ERBB4: variants seen among roughly 807,000 people sequenced by gnomAD.
ERBB4 encodes erb-b2 receptor tyrosine kinase 4, also known as receptor tyrosine-protein kinase erbB-4.
In ERBB4, 42 loss-of-function variants were observed where a neutral mutation model predicts 158.0. The ratio of observed to expected loss-of-function variants is 0.27; its 90% CI spans 0.21 to 0.34. ERBB4 has a LOEUF of 0.34. Among genes scored for constraint, ERBB4 ranks in the 10% least tolerant of loss-of-function variants. ERBB4 has a pLI of 1.00. For synonymous variants in ERBB4, 583 were observed against 558.7 expected, an observed-to-expected ratio of 1.04 and a Z score of -0.61; for missense variants, 1,333 against 1,624.1, an observed-to-expected ratio of 0.82 and a Z score of 3.08.
chr2:212,483,432 C>T (rs1170843159), intron 1 of ERBB4, among the ~76,000 whole-genome samples: 1 of 152,080 alleles, frequency 6.6e-6, no homozygotes, highest in African/African-American at 2.4e-5. Context: ...TAATGTTAGA[C>T]TTTTTTGACA....
chr2:211,942,683 C>T (rs1324509857), intron 3 of ERBB4, among the ~76,000 whole-genome samples: 1 of 151,966 alleles, frequency 6.6e-6, no homozygotes, highest in African/African-American at 2.4e-5. Flanking sequence ...ACACAGTTAA[C>T]AAAACAATTA....
chr2:211,830,941 T>G lies in ERBB4; in HGVS notation c.422-42782A>C, dbSNP rs17414021. 8.0e-3 allele frequency among the ~76,000 whole-genome samples: 1,217 copies of G among 152,178 alleles called. 3 individuals are homozygous for G. Among genetic ancestry groups the G allele is most frequent in the Middle Eastern group, 0.041 (12 of 294 alleles). ...AGAATCTAATACTGATGGTCATATATTCTATAAAACTTAACATATACCAGG... is the reference window on the plus strand; with the variant it reads ...AGAATCTAATACTGATGGTCATATAGTCTATAAAACTTAACATATACCAGG... On this transcript the variant is annotated intron_variant, in intron 3 of 27. Coordinates refer to ENST00000342788, the MANE Select transcript of ERBB4 (RefSeq NM_005235.3).
intron 19 of ERBB4, among the ~76,000 whole-genome samples, chr2:211,597,754 T>C (rs1265647771): frequency 6.6e-6 from 1 of 152,170 alleles, no homozygotes; most frequent in Non-Finnish European, 1.5e-5. Context: ...TATTTCAATT[T>C]TTATTTTTTA....
chr2:211,590,190 C>G (rs935408124), intron 19 of ERBB4, among the ~76,000 whole-genome samples: 1 of 152,180 alleles, frequency 6.6e-6, no homozygotes, highest in Non-Finnish European at 1.5e-5. Context: ...CCAACTTAAA[C>G]GACTCCATCG....
chr2:212,427,171 T>C (rs1032766237), intron 1 of ERBB4, among the ~76,000 whole-genome samples: 1 of 152,136 alleles, frequency 6.6e-6, no homozygotes, highest in Non-Finnish European at 1.5e-5. Flanking sequence ...CTGTTATTTA[T>C]GATACAAGTC....
chr2:211,832,584 A>G lies in ERBB4; in HGVS notation c.422-44425T>C, dbSNP rs184614793. Among the ~76,000 whole-genome samples the G allele has an allele frequency of 2.0e-5, 3 of 151,156 alleles. No individual in the cohort carries two copies. The East Asian group carries it at 5.8e-4, about 29-fold the overall frequency. On this transcript the variant is annotated intron_variant, in intron 3 of 27. Transcript: ENST00000342788. ...AATATATGTATGTGTGTGTGTATATATATATACACATAAACGTGTGTGTGT... is the reference window on the plus strand; with the variant it reads ...AATATATGTATGTGTGTGTGTATATGTATATACACATAAACGTGTGTGTGT...
chr2:211,700,718 C>A (rs1407156799), intron 12 of ERBB4, among the ~76,000 whole-genome samples: 1 of 152,114 alleles, frequency 6.6e-6, no homozygotes, highest in Non-Finnish European at 1.5e-5. Context: ...CACACACACG[C>A]ACACACTCAC....
chr2:212,444,849 T>C (rs918148054), intron 1 of ERBB4, among the ~76,000 whole-genome samples: 1 of 151,960 alleles, frequency 6.6e-6, no homozygotes, highest in African/African-American at 2.4e-5. Context: ...TGGTGGCAGG[T>C]TGATTATATT....
intron 2 of ERBB4, among the ~76,000 whole-genome samples, chr2:211,959,209 G>T (rs1477416754): frequency 6.6e-6 from 1 of 151,974 alleles, no homozygotes; most frequent in Admixed American, 6.6e-5. Flanking sequence ...GAGAAACATT[G>T]TTCAAGTTGC....
At chr2:212,346,131 A>C (rs1438171305) in intron 1 of ERBB4, among the ~76,000 whole-genome samples, 2 of 152,144 alleles carry the variant, frequency 1.3e-5, no homozygotes, top group Non-Finnish European at 2.9e-5. Context: ...AGTAGAGATA[A>C]CCAGTTCTTT....
chr2:212,247,141 G>A (rs1312717425), intron 1 of ERBB4, among the ~76,000 whole-genome samples: 1 of 152,138 alleles, frequency 6.6e-6, no homozygotes, highest in Non-Finnish European at 1.5e-5. Flanking sequence ...AGGCAAAATA[G>A]AGAATTATTG....
chr2:212,143,288 T>G (rs1393570729), intron 1 of ERBB4, among the ~76,000 whole-genome samples: 1 of 152,198 alleles, frequency 6.6e-6, no homozygotes, highest in African/African-American at 2.4e-5. Flanking sequence ...TATGCCAATT[T>G]ACTGTCAGTG....
chr2:211,429,045 C>CAATT (rs1349961528), intron 21 of ERBB4, among the ~76,000 whole-genome samples: 1 of 151,796 alleles, frequency 6.6e-6, no homozygotes, highest in Non-Finnish European at 1.5e-5. Context: ...GCTTTATAAA[C>CAATT]AATTAAAGGT....
chr2:212,537,941 G>A (rs547634015), intron 1 of ERBB4, among the ~76,000 whole-genome samples: 3 of 152,286 alleles, frequency 2.0e-5, no homozygotes, highest in African/African-American at 4.8e-5. Flanking sequence ...GCGACTGGGG[G>A]CGCAGCGGTC....
intron 16 of ERBB4, among the ~76,000 whole-genome samples, chr2:211,643,732 T>C (rs532441960): frequency 1.3e-5 from 2 of 152,176 alleles, no homozygotes; most frequent in South Asian, 4.1e-4. Context: ...ATCAGACTTT[T>C]CTGAATGCTT....
At chr2:211,524,756 T>C (rs892287152) in intron 20 of ERBB4, among the ~76,000 whole-genome samples, 2 of 152,020 alleles carry the variant, frequency 1.3e-5, no homozygotes, top group African/African-American at 4.8e-5. Flanking sequence ...TTTGCACCTC[T>C]CCCTCCACAC....
rs1032993127 is a variant in ERBB4, at chr2:212,303,389, A to G, written c.83-178486T>C. On this transcript the variant is annotated intron_variant, in intron 1 of 27. Transcript: ENST00000342788. Reference sequence around the variant, plus strand: ...GGAATGGATCTTTATCCACAGCTATAAAGACATTTATTACTTTCTAACAGA... The same window carrying G: ...GGAATGGATCTTTATCCACAGCTATGAAGACATTTATTACTTTCTAACAGA... Among the ~76,000 whole-genome samples, 3 of 118,434 alleles carry G rather than the reference A, an allele frequency of 2.5e-5. 1 individual carries two copies. Among genetic ancestry groups the G allele is most frequent in the African/African-American group, 8.9e-5 (3 of 33,554 alleles). 77.7% of individuals were successfully genotyped at this position (118,434 alleles called of 152,430 possible). A position where few individuals can be genotyped will look rare whatever the true frequency, so the allele number is the denominator to read the frequency against.
chr2:211,754,202 T>C (rs528840816), intron 4 of ERBB4, among the ~76,000 whole-genome samples: 8 of 151,948 alleles, frequency 5.3e-5, no homozygotes, highest in African/African-American at 2.4e-5. Flanking sequence ...TATGTGTCTG[T>C]CATATTCAGT....
chr2:212,495,018 C>T (rs970993171), intron 1 of ERBB4, among the ~76,000 whole-genome samples: 1 of 152,058 alleles, frequency 6.6e-6, no homozygotes, highest in Non-Finnish European at 1.5e-5. Context: ...TTTCCTATTT[C>T]TGAAACTTAC....
Sources: allele counts gnomAD v4.1 joint callset (sites outside exome capture counted in the v4.1 genomes callset), GRCh38; gene constraint gnomAD v4.1.1; transcripts MANE v1.5; gene names NCBI Gene and HGNC (gene_info 2026-07-23, HGNC 2026-07-21).